Variants in TAOK3 observed in about 807,000 individuals in gnomAD.
TAOK3 encodes TAO kinase 3.
In TAOK3, 40 loss-of-function variants were observed where a neutral mutation model predicts 120.4. The observed-to-expected ratio is 0.33, with a 90% confidence interval of 0.26 to 0.43. TAOK3 has a LOEUF of 0.43. Ranked by LOEUF, TAOK3 falls within the 20% of genes least tolerant of loss-of-function variation. TAOK3 has a pLI of 1.00. For synonymous variants in TAOK3, 355 were observed against 387.5 expected (o/e 0.92, Z 0.99); for missense variants, 821 against 1,112.1 (o/e 0.74, Z 3.72).
rs199662287 is a variant in TAOK3 at position 118,224,946 on chromosome 12, G to C, written c.643+8728C>G. Among the ~76,000 whole-genome samples, 33 of 151,998 alleles carry C rather than the reference G, an allele frequency of 2.2e-4. 1 individual carries two copies. The East Asian group carries it at 6.4e-3, about 29-fold the overall frequency. ...TATCCACAACTTTCCATGTAATTTCGATGTTAAAAGTACAACTTGGGCTGG... is the reference window on the plus strand; with the variant it reads ...TATCCACAACTTTCCATGTAATTTCCATGTTAAAAGTACAACTTGGGCTGG... On this transcript the variant is annotated intron_variant, in intron 9 of 20. Coordinates refer to ENST00000392533, the MANE Select transcript of TAOK3 (RefSeq NM_016281.4).
chr12:118,338,106 A>T (rs2044442232), intron 1 of TAOK3, among the ~76,000 whole-genome samples: 1 of 152,218 alleles, frequency 6.6e-6, no homozygotes, highest in Admixed American at 6.5e-5. Context: ...GCTCATGTAC[A>T]GTTATATATT....
At chr12:118,249,413 T>C (rs1231682200) in intron 3 of TAOK3, among the ~76,000 whole-genome samples, 5 of 151,852 alleles carry the variant, frequency 3.3e-5, no homozygotes, top group Admixed American at 1.3e-4. Flanking sequence ...AATATGAAAA[T>C]TAGCAGGGCG....
intron 9 of TAOK3, among the ~76,000 whole-genome samples, chr12:118,227,541 C>T (rs1264611235): frequency 6.6e-6 from 1 of 152,068 alleles, no homozygotes; most frequent in East Asian, 1.9e-4. Context: ...TTACTGAGCA[C>T]TTGCTATATG....
At chr12:118,220,227 T>C (rs2039163530) in intron 9 of TAOK3, among the ~76,000 whole-genome samples, 1 of 152,130 alleles carries the variant, frequency 6.6e-6, no homozygotes, top group Admixed American at 6.6e-5. Flanking sequence ...ATTTAATGTG[T>C]GTCTTCTTTG....
chr12:118,223,492 G>T (rs778623306), intron 9 of TAOK3, among the ~76,000 whole-genome samples: 74 of 151,508 alleles, frequency 4.9e-4, no homozygotes, highest in Admixed American at 9.2e-4. Flanking sequence ...GACTACAGGC[G>T]CCCGGCACCA....
At chr12:118,278,202 A>G (rs1239398920) in intron 1 of TAOK3, among the ~76,000 whole-genome samples, 1 of 152,064 alleles carries the variant, frequency 6.6e-6, no homozygotes, top group Non-Finnish European at 1.5e-5. Flanking sequence ...ATATAGGTAC[A>G]TTGCACAGGG....
At chr12:118,238,268 C>T (rs1048216737) in intron 6 of TAOK3, 99 bp from the exon 7 acceptor site, 1 of 614,402 alleles carries the variant, frequency 1.6e-6, no homozygotes, top group African/African-American at 1.8e-5. Context: ...TACTTTCTCA[C>T]ATGACAATTT....
intron 19 of TAOK3, 67 bp from the exon 20 acceptor site, chr12:118,152,476 T>C: frequency 1.4e-6 from 2 of 1,465,306 alleles, no homozygotes; most frequent in East Asian, 2.3e-5. Flanking sequence ...CTACAGCCCT[T>C]GGTGACTACT....
chr12:118,248,202 T>C (rs986036677), intron 3 of TAOK3, among the ~76,000 whole-genome samples: 3 of 132,846 alleles, frequency 2.3e-5, no homozygotes, highest in Non-Finnish European at 4.8e-5. Flanking sequence ...AATGTCAAAA[T>C]GAAAAAAAAA....
chr12:118,237,022 C>T (rs1325927656), intron 7 of TAOK3, among the ~76,000 whole-genome samples: 1 of 152,124 alleles, frequency 6.6e-6, no homozygotes, highest in Non-Finnish European at 1.5e-5. Flanking sequence ...GTATTAACAC[C>T]TTGGTACCAA....
chr12:118,293,761 C>T (rs2042572235), intron 1 of TAOK3, among the ~76,000 whole-genome samples: 1 of 151,958 alleles, frequency 6.6e-6, no homozygotes, highest in South Asian at 2.1e-4. Context: ...TGCCTGTAAT[C>T]CCAGCACTTT....
chr12:118,249,805 T>C (rs765216726), intron 3 of TAOK3, among the ~76,000 whole-genome samples: 11 of 151,964 alleles, frequency 7.2e-5, no homozygotes, highest in Non-Finnish European at 1.2e-4. Context: ...GTACTCCAGC[T>C]TGGGTGACAG....
At chr12:118,227,278 T>G (rs1294770675) in intron 9 of TAOK3, among the ~76,000 whole-genome samples, 3 of 147,676 alleles carry the variant, frequency 2.0e-5, no homozygotes, top group Non-Finnish European at 4.5e-5. Flanking sequence ...TGTTATAATT[T>G]TATAATATAA....
intron 9 of TAOK3, among the ~76,000 whole-genome samples, chr12:118,223,062 CTTTTTTTTTTT>C (rs75334511): frequency 3.3e-5 from 4 of 120,094 alleles, no homozygotes; most frequent in African/African-American, 1.4e-4. Flanking sequence ...TTCTTTCTTT[CTTTTTTTTTTT>C]TTTTTTTTTT....
intron 9 of TAOK3, among the ~76,000 whole-genome samples, chr12:118,227,342 A>G (rs1013261648): frequency 4.7e-5 from 7 of 148,480 alleles, no homozygotes; most frequent in Non-Finnish European, 1.0e-4. Context: ...GTTATAAGTA[A>G]AATATAAAAT....
At chr12:118,151,466 C>T (rs1566214363) in intron 20 of TAOK3, among the ~76,000 whole-genome samples, 1 of 152,136 alleles carries the variant, frequency 6.6e-6, no homozygotes, top group South Asian at 2.1e-4. Flanking sequence ...AGCGGCTGGG[C>T]GGATCTAGGT....
chr12:118,306,180 A>C (rs1476140627), intron 1 of TAOK3, among the ~76,000 whole-genome samples: 1 of 152,118 alleles, frequency 6.6e-6, no homozygotes, highest in Non-Finnish European at 1.5e-5. Context: ...ATACAAGTTT[A>C]TTATATAGGT....
At chr12:118,350,404 G>A (rs2045083617) in intron 1 of TAOK3, among the ~76,000 whole-genome samples, 1 of 151,868 alleles carries the variant, frequency 6.6e-6, no homozygotes, top group African/African-American at 2.4e-5. Flanking sequence ...GAATATGTAT[G>A]TGAATCTACA....
Position 118,178,882 on chromosome 12 carries a change from T to C in TAOK3, c.1567-1553A>G, listed in dbSNP as rs553203263. ...TGGCTCCTGAAAGTGACCAAATCTG[T>C]TTCTGGTAACCACTGGGTGAAGGAT... On this transcript the variant is annotated intron_variant, in intron 15 of 20. Coordinates refer to ENST00000392533, the MANE Select transcript of TAOK3 (RefSeq NM_016281.4). Among the ~76,000 whole-genome samples the C allele has an allele frequency of 7.9e-5, 12 of 152,310 alleles. No homozygotes were observed. In the South Asian group the frequency reaches 2.3e-3, roughly 29 times the overall value.
Sources: gnomAD v4.1 joint callset for allele counts (sites outside exome capture counted in the v4.1 genomes callset) on GRCh38, gnomAD v4.1.1 for gene constraint, MANE v1.5 for transcripts, NCBI Gene and HGNC (gene_info 2026-07-23, HGNC 2026-07-21) for gene names.